The following FRYL variants were observed in gnomAD, a reference collection of about 807,000 sequenced individuals.
FRYL encodes the protein FRY like transcription coactivator.
In FRYL, 150 loss-of-function variants were observed where a neutral mutation model predicts 351.2. That is an observed-to-expected ratio of 0.43 (90% CI 0.37 to 0.49). FRYL has a LOEUF of 0.49. Among genes scored for constraint, FRYL ranks in the 20% least tolerant of loss-of-function variants. The pLI, the probability that FRYL is intolerant of heterozygous loss-of-function variation, is 0.00. For synonymous variants in FRYL, 1,153 were observed against 1,257.1 expected, an observed-to-expected ratio of 0.92 and a Z score of 1.75; for missense variants, 3,036 against 3,619.3, an observed-to-expected ratio of 0.84 and a Z score of 4.13.
intron 50 of FRYL, among the ~76,000 whole-genome samples, chr4:48,529,847 T>C (rs1250515065): frequency 2.0e-5 from 3 of 152,076 alleles, no homozygotes; most frequent in Non-Finnish European, 2.9e-5. Flanking sequence ...GGATGAGAAA[T>C]CTTTAAGTGA....
intron 2 of FRYL, among the ~76,000 whole-genome samples, chr4:48,687,492 C>CG (rs561805370): frequency 7.1e-4 from 33 of 46,586 alleles, no homozygotes; most frequent in African/African-American, 1.2e-3. Flanking sequence ...CAAATGAGGT[C>CG]GGGGGGGGGG....
chr4:48,765,033 C>T (rs550594686), intron 1 of FRYL, among the ~76,000 whole-genome samples: 4 of 151,914 alleles, frequency 2.6e-5, no homozygotes, highest in Admixed American at 6.6e-5. Context: ...TTAGTAGAGA[C>T]GGGGTTTCAC....
chr4:48,763,652 G>C (rs1284102461), intron 1 of FRYL, among the ~76,000 whole-genome samples: 1 of 152,042 alleles, frequency 6.6e-6, no homozygotes, highest in East Asian at 1.9e-4. Flanking sequence ...GCTTTACTAA[G>C]GCCATGTATG....
intron 1 of FRYL, among the ~76,000 whole-genome samples, chr4:48,730,932 TAAAG>T (rs1770649280): frequency 6.6e-6 from 1 of 151,976 alleles, no homozygotes; most frequent in East Asian, 1.9e-4. Flanking sequence ...GCAAATTGGA[TAAAG>T]AGTCAAGACC....
intron 1 of FRYL, among the ~76,000 whole-genome samples, chr4:48,752,730 C>G (rs895265359): frequency 6.6e-6 from 1 of 152,166 alleles, no homozygotes; most frequent in South Asian, 2.1e-4. Context: ...TAGGTGAAAG[C>G]TAGACAAGAG....
intron 1 of FRYL, among the ~76,000 whole-genome samples, chr4:48,744,082 A>G (rs149693274): frequency 1.3e-5 from 2 of 152,210 alleles, no homozygotes; most frequent in African/African-American, 4.8e-5. Context: ...ATAGGTCAGT[A>G]AATGTATTTA....
Position 48,547,698 on chromosome 4 carries a change from C to T in FRYL, c.4960G>A (p.Gly1654Arg). ...ACAGTTCGGATGTTACTATTGGGTC[C>T]CATTACTATTAATAAGTGCAGAAGC... The part of the protein sequence containing the change: ...RLLLHLLIVM[G>R]PNSNIRTVAS... Residue 1654 changes from glycine to arginine, a missense_variant, in exon 41 of 64, where the codon GGA (glycine) becomes AGA (arginine). Physicochemically the swap from Gly to Arg is moderately radical, Grantham distance 125. Coordinates refer to ENST00000358350, the MANE Select transcript of FRYL (RefSeq NM_015030.2). 1 of 1,602,930 alleles carries T rather than the reference C, an allele frequency of 6.2e-7. No homozygotes were observed. Among genetic ancestry groups the T allele is most frequent in the Non-Finnish European group, 8.5e-7 (1 of 1,172,464 alleles).
chr4:48,677,653 C>T (rs578005381), intron 3 of FRYL, among the ~76,000 whole-genome samples: 1 of 152,036 alleles, frequency 6.6e-6, no homozygotes, highest in Non-Finnish European at 1.5e-5. Flanking sequence ...TCAGGTGATC[C>T]GCCTGCCTTG....
chr4:48,545,888 T>G (rs1372444966), intron 42 of FRYL, among the ~76,000 whole-genome samples, 179 bp downstream of exon 42: 4 of 152,232 alleles, frequency 2.6e-5, no homozygotes, highest in African/African-American at 9.6e-5. Context: ...GAGGTATAAC[T>G]GCACTGGCAC....
chr4:48,728,356 CAG>C (rs145748699), intron 1 of FRYL, among the ~76,000 whole-genome samples: 248 of 150,646 alleles, frequency 1.6e-3, no homozygotes, highest in Non-Finnish European at 3.0e-3. Flanking sequence ...GAAAAAAAAA[CAG>C]AGGACGAAAC....
At chr4:48,517,517 C>T (rs566345427) in intron 55 of FRYL, among the ~76,000 whole-genome samples, 1 of 152,250 alleles carries the variant, frequency 6.6e-6, no homozygotes, top group African/African-American at 2.4e-5. Flanking sequence ...TCTTGTACTT[C>T]ACCTTATTAG....
At position 48,609,789 on chromosome 4, in the gene FRYL, T is replaced by C. The variant is rs1312809064; in HGVS notation, c.446A>G (p.His149Arg). Reference sequence around the variant, plus strand: ...CTTAAAAGCTAAGTTTAGAACTTCATGAACTAAGGGATCGGGTACAGGATG... The same window carrying C: ...CTTAAAAGCTAAGTTTAGAACTTCACGAACTAAGGGATCGGGTACAGGATG... ...PVHPVPDPLV[H>R]EVLNLAFKHF... The change falls in exon 8 of 64, where the codon CAT (histidine) becomes CGT (arginine). Residue 149 changes from histidine (H) to arginine (R), a missense_variant. His to Arg is a conservative substitution (Grantham distance 29). Transcript: ENST00000358350. 1 of 1,597,042 alleles carries C rather than the reference T, an allele frequency of 6.3e-7. No homozygotes were observed. Among genetic ancestry groups the C allele is most frequent in the Admixed American group, 1.7e-5 (1 of 58,990 alleles).
chr4:48,614,445 G>C (rs1404561501), intron 7 of FRYL, among the ~76,000 whole-genome samples: 1 of 152,012 alleles, frequency 6.6e-6, no homozygotes, highest in Non-Finnish European at 1.5e-5. Context: ...TAACTGGCTG[G>C]GTGCAATGGC....
In FRYL at chr4:48,540,671, T is replaced by A; in HGVS notation, c.5977A>T (p.Thr1993Ser). Residue 1993 changes from threonine to serine, a missense_variant, in exon 46 of 64, where the codon ACT (threonine) becomes TCT (serine). Physicochemically the swap from Thr to Ser is moderately conservative, Grantham distance 58. Around this residue, in one of 7 missense-constraint regions of FRYL, gnomAD observed 1,987 missense variants for 2,311.7 expected, o/e 0.86. Transcript: ENST00000358350. ...REKGMYDVQS[T>S]TEPTNLMATI... ...GCCATCAAGTTGGTAGGCTCAGTAG[T>A]GGACTGCACGTCATACATTCCTTTC... The A allele has an allele frequency of 6.2e-7, 1 of 1,613,990 alleles. No individual in the cohort carries two copies. Among genetic ancestry groups the A allele is most frequent in the Non-Finnish European group, 8.5e-7 (1 of 1,179,910 alleles).
intron 56 of FRYL, 90 bp downstream of exon 56, chr4:48,514,938 G>A: frequency 1.8e-6 from 2 of 1,102,472 alleles, no homozygotes; most frequent in South Asian, 1.7e-5. Context: ...AGAAATGAAA[G>A]TAAGTAAACT....
At chr4:48,521,262 G>A (rs763089313) in intron 54 of FRYL, 47 bp from the exon 55 acceptor site, 13 of 1,388,700 alleles carry the variant, frequency 9.4e-6, no homozygotes, top group Non-Finnish European at 1.3e-5. Context: ...TGAGTCAAAA[G>A]CCACAGGAAA....
chr4:48,641,245 G>A (rs1482715365), intron 3 of FRYL, among the ~76,000 whole-genome samples: 3 of 152,104 alleles, frequency 2.0e-5, no homozygotes, highest in Admixed American at 6.6e-5. Context: ...AATATCATTT[G>A]ATGCACAGAT....
chr4:48,575,256 T>C lies in FRYL; in HGVS notation c.2722-15A>G, dbSNP rs1180282024. On this transcript the variant is annotated splice_polypyrimidine_tract_variant and intron_variant, in intron 24 of 63. Transcript: ENST00000358350. Reference sequence around the variant, plus strand: ...ATGCCAATAATCTGGAAAAAAAATATCGTATTTGTAACAGCCACTAATGAT... The same window carrying C: ...ATGCCAATAATCTGGAAAAAAAATACCGTATTTGTAACAGCCACTAATGAT... 3.7e-6 allele frequency: 6 copies of C among 1,612,332 alleles called. No homozygotes were observed. The highest frequency in any genetic ancestry group is 1.7e-4 in the Middle Eastern group (1 of 6,056).
chr4:48,759,158 C>G (rs1302414723), intron 1 of FRYL, among the ~76,000 whole-genome samples: 1 of 151,900 alleles, frequency 6.6e-6, no homozygotes, highest in Non-Finnish European at 1.5e-5. Context: ...TGCGGCACAC[C>G]AACATGGCAC....
Sources: gnomAD v4.1 joint callset for allele counts (sites outside exome capture counted in the v4.1 genomes callset) on GRCh38, gnomAD v4.1.1 for gene constraint, gnomAD v4.1.1 regional missense constraint, MANE v1.5 for transcripts, NCBI Gene and HGNC (gene_info 2026-07-23, HGNC 2026-07-21) for gene names.